PDGFC: variants seen among roughly 807,000 people sequenced by gnomAD.
PDGFC encodes the protein platelet derived growth factor C.
A neutral mutation model predicts 35.5 loss-of-function variants in PDGFC; 12 were observed. That is an observed-to-expected ratio of 0.34 (90% CI 0.22 to 0.55). PDGFC has a LOEUF of 0.55. Among genes scored for constraint, PDGFC ranks in the 20% least tolerant of loss-of-function variants. The probability of loss-of-function intolerance (pLI) is 0.91; values close to 1 mark genes in which losing one functional copy is unlikely to be tolerated. For missense variants in PDGFC, 322 were observed against 412.4 expected (o/e 0.78, Z 1.90); for synonymous variants, 159 against 148.8 (o/e 1.07, Z -0.50).
intron 3 of PDGFC, chr4:156,778,322 G>A: frequency 9.0e-6 from 2 of 222,128 alleles, no homozygotes; most frequent in Admixed American, 1.0e-4. Context: ...GGTGAATGTG[G>A]ACCAGAAAAA....
rs186325487 is a variant in PDGFC, at chr4:156,902,689, C to T, written c.119-52273G>A. 3.2e-3 allele frequency among the ~76,000 whole-genome samples: 485 copies of T among 152,166 alleles called. 3 individuals carry two copies. The highest frequency in any genetic ancestry group is 0.011 in the African/African-American group (466 of 41,526). Reference sequence around the variant, plus strand: ...TTACCACAGTTTACTCATACAATTTCCTATTGATGAACCGGTGGTTAACAA... The same window carrying T: ...TTACCACAGTTTACTCATACAATTTTCTATTGATGAACCGGTGGTTAACAA... On this transcript the variant is annotated intron_variant, in intron 1 of 5. Transcript: ENST00000502773.
At chr4:156,953,986 G>T (rs1732145999) in intron 1 of PDGFC, among the ~76,000 whole-genome samples, 1 of 151,910 alleles carries the variant, frequency 6.6e-6, no homozygotes, top group African/African-American at 2.4e-5. Flanking sequence ...GCCTCATATA[G>T]AGAAACAAAA....
intron 1 of PDGFC, among the ~76,000 whole-genome samples, chr4:156,868,603 C>A (rs1184613464): frequency 6.6e-6 from 1 of 152,170 alleles, no homozygotes; most frequent in Non-Finnish European, 1.5e-5. Flanking sequence ...AAACAGCAAG[C>A]AATACAGACA....
At chr4:156,936,421 A>C (rs1388091691) in intron 1 of PDGFC, among the ~76,000 whole-genome samples, 1 of 152,180 alleles carries the variant, frequency 6.6e-6, no homozygotes, top group Non-Finnish European at 1.5e-5. Context: ...GGAAGAACTA[A>C]TACAATTAGT....
At chr4:156,835,396 C>T (rs563144361) in intron 2 of PDGFC, among the ~76,000 whole-genome samples, 3 of 152,132 alleles carry the variant, frequency 2.0e-5, no homozygotes, top group Non-Finnish European at 4.4e-5. Flanking sequence ...CATAAGTCAA[C>T]ATTTTAAGAA....
intron 2 of PDGFC, among the ~76,000 whole-genome samples, chr4:156,825,285 A>T (rs1732411322): frequency 6.6e-6 from 1 of 151,630 alleles, no homozygotes; most frequent in African/African-American, 2.4e-5. Flanking sequence ...GTGGTGACTC[A>T]CGTCTGTAAT....
At chr4:156,798,079 C>T (rs1731497708) in intron 3 of PDGFC, among the ~76,000 whole-genome samples, 1 of 152,088 alleles carries the variant, frequency 6.6e-6, no homozygotes, top group African/African-American at 2.4e-5. Flanking sequence ...GTAATCCCGG[C>T]TACTCGGGAG....
chr4:156,839,134 G>C (rs1729138303), intron 2 of PDGFC, among the ~76,000 whole-genome samples: 1 of 152,194 alleles, frequency 6.6e-6, no homozygotes, highest in Admixed American at 6.5e-5. Context: ...GGCAGTGCTA[G>C]AAGCAAGGAG....
intron 1 of PDGFC, among the ~76,000 whole-genome samples, chr4:156,901,211 A>T (rs183168773): frequency 6.6e-6 from 1 of 152,326 alleles, no homozygotes; most frequent in Admixed American, 6.5e-5. Context: ...GGGAATCCAC[A>T]TCTTTTAAAT....
At chr4:156,883,887 T>C (rs1440826766) in intron 1 of PDGFC, among the ~76,000 whole-genome samples, 13 of 152,200 alleles carry the variant, frequency 8.5e-5, no homozygotes, top group Admixed American at 8.5e-4. Flanking sequence ...CATTGACTTA[T>C]GTTAAGACTA....
intron 2 of PDGFC, among the ~76,000 whole-genome samples, chr4:156,834,375 T>C (rs1489355503): frequency 6.6e-6 from 1 of 152,188 alleles, no homozygotes; most frequent in Non-Finnish European, 1.5e-5. Context: ...AGGCCTCATT[T>C]CCACTGAGAT....
At chr4:156,793,496 A>T (rs1731351294) in intron 3 of PDGFC, among the ~76,000 whole-genome samples, 1 of 148,420 alleles carries the variant, frequency 6.7e-6, no homozygotes, top group African/African-American at 2.5e-5. Context: ...TCATATAGTA[A>T]GGTTAAGTAC....
rs763135243 is a variant in PDGFC at position 156,918,960 on chromosome 4, C to T, written c.118+51826G>A. On this transcript the variant is annotated intron_variant, in intron 1 of 5. Transcript: ENST00000502773. ...TTATATTGTACTATAATAAAGCTAA[C>T]GCCAAAAAGTCAGTGATTTTACAAC... is the stretch of plus-strand genomic sequence containing the variant. 1.2e-4 allele frequency among the ~76,000 whole-genome samples: 19 copies of T among 152,104 alleles called. No individual in the cohort carries two copies. In the East Asian group the frequency reaches 1.3e-3, roughly 11 times the overall value.
chr4:156,851,980 C>CAATGAGA (rs1039256316), intron 1 of PDGFC, among the ~76,000 whole-genome samples: 1 of 144,658 alleles, frequency 6.9e-6, no homozygotes, highest in African/African-American at 2.6e-5. Flanking sequence ...TGCTAACTTC[C>CAATGAGA]AATGAGAAAA....
At chr4:156,839,135 A>G (rs1202863982) in intron 2 of PDGFC, among the ~76,000 whole-genome samples, 1 of 152,236 alleles carries the variant, frequency 6.6e-6, no homozygotes, top group Non-Finnish European at 1.5e-5. Context: ...GCAGTGCTAG[A>G]AGCAAGGAGC....
At chr4:156,886,713 A>T (rs1730385304) in intron 1 of PDGFC, 1 of 152,212 alleles carries the variant, frequency 6.6e-6, no homozygotes, top group Non-Finnish European at 1.5e-5. Flanking sequence ...ATAATGGAGA[A>T]CTTGCACTTG....
intron 3 of PDGFC, among the ~76,000 whole-genome samples, chr4:156,781,245 C>T (rs1050188244): frequency 6.6e-6 from 1 of 152,080 alleles, no homozygotes; most frequent in Non-Finnish European, 1.5e-5. Context: ...CATACTATGT[C>T]TGGAATCTGA....
At chr4:156,802,123 T>C (rs1055013993) in intron 3 of PDGFC, among the ~76,000 whole-genome samples, 2 of 152,130 alleles carry the variant, frequency 1.3e-5, no homozygotes, top group African/African-American at 4.8e-5. Flanking sequence ...CTCAAATTCA[T>C]CGTTGGAGAA....
chr4:156,827,673 T>G (rs1365350046), intron 2 of PDGFC, among the ~76,000 whole-genome samples: 1 of 152,160 alleles, frequency 6.6e-6, no homozygotes. Context: ...TGTGCTGTTA[T>G]GTCAAAAAAT....
Sources: gnomAD v4.1 joint callset for allele counts (sites outside exome capture counted in the v4.1 genomes callset) on GRCh38, gnomAD v4.1.1 for gene constraint, MANE v1.5 for transcripts, NCBI Gene and HGNC (gene_info 2026-07-23, HGNC 2026-07-21) for gene names.